Variants in KAT6B observed in about 807,000 individuals in gnomAD.
KAT6B encodes the protein histone acetyltransferase KAT6B.
KAT6B carries 10 observed loss-of-function variants against 187.5 expected under a neutral mutation model. That is an observed-to-expected ratio of 0.05 (90% CI 0.03 to 0.09). KAT6B has a LOEUF of 0.09. Ranked by LOEUF, KAT6B falls within the 10% of genes least tolerant of loss-of-function variation. KAT6B has a pLI of 1.00. For missense variants in KAT6B, 1,952 were observed against 2,558.9 expected (o/e 0.76, Z 5.12); for synonymous variants, 861 against 926.8 (o/e 0.93, Z 1.29).
chr10:74,960,010 G>A lies in KAT6B; in HGVS notation c.662G>A (p.Gly221Glu). ...DPIPICSFCL[G>E]TKESNREKKP... The stretch of plus-strand genomic sequence containing the variant: ...ATTCCAATATGTAGCTTCTGTTTGG[G>A]GACTAAAGAATCAAATCGTGAAAAG... Residue 221 changes from glycine (G) to glutamate (E), a missense_variant, in exon 4 of 18, where the codon GGG becomes GAG. By Grantham distance (98) the Gly-to-Glu change is moderately conservative. This residue lies in a region of KAT6B where 218 missense variants were observed against 282.6 expected (regional missense o/e 0.77). Coordinates refer to ENST00000287239, the MANE Select transcript of KAT6B (RefSeq NM_012330.4). 6.2e-7 allele frequency: 1 copy of A among 1,613,356 alleles called. No individual in the cohort carries two copies. Among genetic ancestry groups the A allele is most frequent in the Non-Finnish European group, 8.5e-7 (1 of 1,179,476 alleles).
At position 75,002,142 on chromosome 10, in the gene KAT6B, T is replaced by G. The variant is rs12258302; in HGVS notation, c.2629+13030T>G. On this transcript the variant is annotated intron_variant, in intron 13 of 17. Transcript: ENST00000287239. ...GCTCCAGTGCCTGTCACCTCACCTC[T>G]AGCAGCCTCAGGAGCTGTGTAAATT... Among the ~76,000 whole-genome samples, 620 of 152,206 alleles carry G rather than the reference T, an allele frequency of 4.1e-3. 5 individuals carry two copies. Among genetic ancestry groups the G allele is most frequent in the African/African-American group, 0.014 (600 of 41,516 alleles).
chr10:74,941,502 A>G (rs1477079364), intron 3 of KAT6B, among the ~76,000 whole-genome samples: 1 of 152,248 alleles, frequency 6.6e-6, no homozygotes, highest in African/African-American at 2.4e-5. Flanking sequence ...ATAGCATTGA[A>G]GACATAATAA....
chr10:74,839,516 G>A (rs1197389434), intron 2 of KAT6B, among the ~76,000 whole-genome samples: 1 of 152,070 alleles, frequency 6.6e-6, no homozygotes, highest in Non-Finnish European at 1.5e-5. Context: ...ACGGGTGTGA[G>A]CCACCACGCC....
chr10:74,972,822 T>C (rs983814502), intron 7 of KAT6B, among the ~76,000 whole-genome samples, 183 bp downstream of exon 7: 1 of 152,198 alleles, frequency 6.6e-6, no homozygotes, highest in African/African-American at 2.4e-5. Flanking sequence ...TTAATTACCA[T>C]TGGCATTTTG....
At chr10:74,995,891 G>A (rs1843401220) in intron 13 of KAT6B, among the ~76,000 whole-genome samples, 2 of 152,304 alleles carry the variant, frequency 1.3e-5, no homozygotes, top group South Asian at 4.1e-4. Flanking sequence ...TAATAAGTGA[G>A]CAGATAATGA....
chr10:74,848,667 G>C (rs567660726), intron 3 of KAT6B, among the ~76,000 whole-genome samples: 1 of 151,812 alleles, frequency 6.6e-6, no homozygotes, highest in South Asian at 2.1e-4. Flanking sequence ...GGACACTCCT[G>C]GTCTACATCT....
intron 14 of KAT6B, 90 bp from the exon 15 acceptor site, chr10:75,021,036 A>T (rs1167851057): frequency 7.7e-7 from 1 of 1,299,036 alleles, no homozygotes; most frequent in Non-Finnish European, 1.1e-6. Context: ...CCTAACGCAG[A>T]TAACATTAGT....
chr10:74,830,504 G>T (rs1221606769), intron 1 of KAT6B, among the ~76,000 whole-genome samples: 1 of 151,486 alleles, frequency 6.6e-6, no homozygotes. Context: ...AGTATCTAGG[G>T]TTAGATGATG....
chr10:74,867,669 G>C (rs1461605756), intron 3 of KAT6B, among the ~76,000 whole-genome samples: 2 of 152,212 alleles, frequency 1.3e-5, no homozygotes, highest in Non-Finnish European at 2.9e-5. Context: ...CTTGCAGATG[G>C]TTAGACTCTG....
intron 3 of KAT6B, among the ~76,000 whole-genome samples, chr10:74,850,969 G>A (rs1842440546): frequency 6.6e-6 from 1 of 152,154 alleles, no homozygotes; most frequent in Admixed American, 6.6e-5. Context: ...TAATTGGAAG[G>A]TGGGACACTT....
intron 12 of KAT6B, 121 bp from the exon 13 acceptor site, chr10:74,988,898 G>T: frequency 5.1e-5 from 38 of 741,708 alleles, no homozygotes; most frequent in Middle Eastern, 5.0e-4. Context: ...TTTTCTGCTT[G>T]ATCCTGACCT....
chr10:74,920,030 C>G (rs554212957), intron 3 of KAT6B, among the ~76,000 whole-genome samples: 1 of 152,088 alleles, frequency 6.6e-6, no homozygotes, highest in Non-Finnish European at 1.5e-5. Context: ...GGGTCTTCTT[C>G]TGTAGTTTCT....
intron 3 of KAT6B, among the ~76,000 whole-genome samples, chr10:74,848,541 A>AT (rs1564519406): frequency 7.0e-6 from 1 of 142,432 alleles, no homozygotes; most frequent in Non-Finnish European, 1.5e-5. Context: ...CAACAACAAC[A>AT]TTTTTTTGTG....
chr10:75,010,140 A>T (rs942497074), intron 13 of KAT6B, among the ~76,000 whole-genome samples: 1 of 152,254 alleles, frequency 6.6e-6, no homozygotes, highest in African/African-American at 2.4e-5. Flanking sequence ...GCTCAGCAAT[A>T]ACCCTGGGGG....
chr10:74,861,099 G>A (rs952506243), intron 3 of KAT6B, among the ~76,000 whole-genome samples: 11 of 151,286 alleles, frequency 7.3e-5, no homozygotes, highest in Admixed American at 6.6e-4. Flanking sequence ...TCGTGCCATT[G>A]CACTCCATCC....
chr10:74,898,417 A>G (rs1846134364), intron 3 of KAT6B, among the ~76,000 whole-genome samples: 1 of 151,312 alleles, frequency 6.6e-6, no homozygotes. Context: ...TTTTTCTAAC[A>G]TTGTCTCAGT....
At chr10:74,876,680 G>A (rs894108288) in intron 3 of KAT6B, among the ~76,000 whole-genome samples, 2 of 152,014 alleles carry the variant, frequency 1.3e-5, no homozygotes, top group Non-Finnish European at 2.9e-5. Context: ...TTGGGAGGCC[G>A]AGGTGGTCGG....
At chr10:74,862,426 A>G (rs1161038661) in intron 3 of KAT6B, among the ~76,000 whole-genome samples, 1 of 152,176 alleles carries the variant, frequency 6.6e-6, no homozygotes, top group Non-Finnish European at 1.5e-5. Flanking sequence ...CATTAGAATT[A>G]CTGGAGGAGC....
intron 3 of KAT6B, among the ~76,000 whole-genome samples, chr10:74,923,556 A>G (rs964099274): frequency 6.6e-6 from 1 of 152,222 alleles, no homozygotes; most frequent in Admixed American, 6.5e-5. Flanking sequence ...TAAGAAAGTG[A>G]CATTTAACTT....
Sources: gnomAD v4.1 joint callset for allele counts (sites outside exome capture counted in the v4.1 genomes callset) on GRCh38, gnomAD v4.1.1 for gene constraint, gnomAD v4.1.1 regional missense constraint, MANE v1.5 for transcripts, NCBI Gene and HGNC (gene_info 2026-07-23, HGNC 2026-07-21) for gene names.